Variants in NCOR1 observed in about 807,000 individuals in gnomAD.
The protein encoded by NCOR1 is protein phosphatase 1, regulatory subunit 109.
A neutral mutation model predicts 288.1 loss-of-function variants in NCOR1; 63 were observed. That is an observed-to-expected ratio of 0.22 (90% CI 0.18 to 0.27). NCOR1 has a LOEUF of 0.27. NCOR1 is among the 10% of genes least tolerant of loss of function. The probability of loss-of-function intolerance (pLI) is 1.00; values close to 1 mark genes in which losing one functional copy is unlikely to be tolerated. For missense variants in NCOR1, 2,397 were observed against 3,019.2 expected (o/e 0.79, Z 4.83); for synonymous variants, 1,007 against 1,065.9 (o/e 0.94, Z 1.08).
At chr17:16,078,580 CTTTT>C (rs11299070) in intron 26 of NCOR1, among the ~76,000 whole-genome samples, 1 of 148,202 alleles carries the variant, frequency 6.7e-6, no homozygotes. Flanking sequence ...TAAATGGAGA[CTTTT>C]TTTTTTTTTG....
chr17:16,153,701 A>G (rs1018576534), intron 6 of NCOR1, among the ~76,000 whole-genome samples: 1 of 152,220 alleles, frequency 6.6e-6, no homozygotes, highest in African/African-American at 2.4e-5. Context: ...AAAAAAGCAA[A>G]CAATTATATT....
intron 8 of NCOR1, among the ~76,000 whole-genome samples, chr17:16,150,554 G>T (rs1445995191): frequency 6.6e-6 from 1 of 152,098 alleles, no homozygotes; most frequent in East Asian, 1.9e-4. Context: ...GAATTTAAAT[G>T]AAGTCAGCCA....
chr17:16,036,236 T>TA (rs1358355021), intron 44 of NCOR1, among the ~76,000 whole-genome samples: 14 of 152,176 alleles, frequency 9.2e-5, no homozygotes, highest in Admixed American at 3.3e-4. Context: ...AGTGGATTGT[T>TA]AATGAGCAGT....
intron 18 of NCOR1, among the ~76,000 whole-genome samples, chr17:16,109,373 T>C (rs986332302): frequency 1.3e-5 from 2 of 152,036 alleles, no homozygotes; most frequent in African/African-American, 4.8e-5. Flanking sequence ...TTTCAATCTT[T>C]CAGAGGCATA....
intron 3 of NCOR1, among the ~76,000 whole-genome samples, chr17:16,176,150 C>T (rs886119673): frequency 5.3e-5 from 8 of 151,932 alleles, no homozygotes; most frequent in Non-Finnish European, 1.0e-4. Context: ...ACCCAGGAAG[C>T]GGAGGTTGCA....
At chr17:16,127,814 G>A (rs2074986070) in intron 14 of NCOR1, among the ~76,000 whole-genome samples, 2 of 151,468 alleles carry the variant, frequency 1.3e-5, no homozygotes, top group Admixed American at 1.3e-4. Context: ...CATCCACTGG[G>A]AGTGTTGGAA....
rs773261782 is a variant in NCOR1 at position 16,072,139 on chromosome 17, G to A, written c.3895+6C>T. The stretch of plus-strand genomic sequence containing the variant: ...AATAAAAATGCAAAACAAGCAGAAA[G>A]TTTACCCTGCATTATGGAGCCAGAC... On this transcript the variant is annotated splice_donor_region_variant and intron_variant, in intron 29 of 45. Transcript: ENST00000268712. The A allele has an allele frequency of 8.0e-5, 127 of 1,594,402 alleles. No homozygotes were observed. Among genetic ancestry groups the A allele is most frequent in the Non-Finnish European group, 1.1e-4 (124 of 1,169,544 alleles).
chr17:16,146,839 T>C (rs756426267), intron 9 of NCOR1, among the ~76,000 whole-genome samples: 21 of 152,168 alleles, frequency 1.4e-4, no homozygotes, highest in Non-Finnish European at 2.2e-4. Context: ...GTTACTTTTA[T>C]TTTGCTTAAA....
chr17:16,162,082 T>C (rs561373873), intron 5 of NCOR1, among the ~76,000 whole-genome samples: 1 of 151,878 alleles, frequency 6.6e-6, no homozygotes, highest in South Asian at 2.1e-4. Context: ...TACAACTCAA[T>C]GAAAGCAAAA....
chr17:16,198,057 T>TA (rs1415429325), intron 1 of NCOR1: 1 of 151,950 alleles, frequency 6.6e-6, no homozygotes, highest in Non-Finnish European at 1.5e-5. Context: ...TTGCTTTTAT[T>TA]ACTTAATACA....
chr17:16,053,299 T>C lies in NCOR1; in HGVS notation c.6392+4215A>G, dbSNP rs548847757. 1.8e-4 allele frequency among the ~76,000 whole-genome samples: 28 copies of C among 152,262 alleles called. No individual in the cohort carries two copies. In the South Asian group the frequency reaches 5.8e-3, roughly 32 times the overall value. On this transcript the variant is annotated intron_variant, in intron 40 of 45. Coordinates refer to ENST00000268712, the MANE Select transcript of NCOR1 (RefSeq NM_006311.4). ...ATCCCATATCTAGAAAACTCCATAGTCTCAGCCCCAAAGGTCCTTAAGCTG... is the reference window on the plus strand; with the variant it reads ...ATCCCATATCTAGAAAACTCCATAGCCTCAGCCCCAAAGGTCCTTAAGCTG...
intron 3 of NCOR1, among the ~76,000 whole-genome samples, chr17:16,183,450 A>T (rs2153515345): frequency 1.3e-5 from 2 of 152,092 alleles, no homozygotes; most frequent in African/African-American, 4.8e-5. Context: ...TAACAACCTA[A>T]CTGAAAAAGA....
At chr17:16,097,766 G>A (rs2066900323) in intron 21 of NCOR1, among the ~76,000 whole-genome samples, 1 of 152,220 alleles carries the variant, frequency 6.6e-6, no homozygotes, top group South Asian at 2.1e-4. Flanking sequence ...GACGAGGAGA[G>A]TCGGAGGAAT....
intron 6 of NCOR1, among the ~76,000 whole-genome samples, chr17:16,157,524 C>T (rs921197565): frequency 3.9e-5 from 6 of 151,976 alleles, no homozygotes; most frequent in South Asian, 2.1e-4. Flanking sequence ...TTTATTAATT[C>T]ACAATTGCTT....
intron 6 of NCOR1, among the ~76,000 whole-genome samples, chr17:16,158,308 A>G (rs1863177525): frequency 6.6e-6 from 1 of 152,180 alleles, no homozygotes. Context: ...ACCATAGCCC[A>G]ACTATCGACT....
intron 11 of NCOR1, among the ~76,000 whole-genome samples, chr17:16,142,997 A>G (rs1322851022): frequency 6.6e-6 from 1 of 152,082 alleles, no homozygotes; most frequent in Non-Finnish European, 1.5e-5. Context: ...TATAAACTTA[A>G]TCTCTATATT....
chr17:16,137,496 C>CT, intron 13 of NCOR1, 84 bp from the exon 14 acceptor site: 2 of 683,726 alleles, frequency 2.9e-6, no homozygotes, highest in East Asian at 3.0e-5. Context: ...AGGAAAATCT[C>CT]TGGTATTCTG....
intron 15 of NCOR1, among the ~76,000 whole-genome samples, chr17:16,124,973 T>C (rs1183715554): frequency 6.6e-6 from 1 of 152,234 alleles, no homozygotes; most frequent in Non-Finnish European, 1.5e-5. Context: ...TAATAATAAC[T>C]CATGACTTGC....
In NCOR1 at chr17:16,127,281, ACG is replaced by A. The variant is rs1491150205; in HGVS notation, c.1510-1077_1510-1076del. The stretch of plus-strand genomic sequence containing the variant: ...TGTGTGTATATATGTATGTATATAT[ACG>A]TGTATATATGTATGTATGTATATAT... On this transcript the variant is annotated intron_variant, in intron 14 of 45. Transcript: ENST00000268712. Among the ~76,000 whole-genome samples the A allele has an allele frequency of 6.8e-3, 247 of 36,140 alleles. 78 individuals are homozygous for A. Among genetic ancestry groups the A allele is most frequent in the Middle Eastern group, 0.042 (2 of 48 alleles). The allele number at this position is 36,140 out of a possible 152,430, so 23.7% of individuals were successfully genotyped here. A position where few individuals can be genotyped will look rare whatever the true frequency, so the allele number is the denominator to read the frequency against.
Sources: allele counts gnomAD v4.1 joint callset (sites outside exome capture counted in the v4.1 genomes callset), GRCh38; gene constraint gnomAD v4.1.1; transcripts MANE v1.5; gene names NCBI Gene and HGNC (gene_info 2026-07-23, HGNC 2026-07-21).